ZPBP: variants seen among roughly 807,000 people sequenced by gnomAD.
The protein encoded by ZPBP is zona pellucida-binding protein 1.
A neutral mutation model predicts 44.8 loss-of-function variants in ZPBP; 26 were observed. That is an observed-to-expected ratio of 0.58 (90% CI 0.43 to 0.81). The LOEUF (loss-of-function observed/expected upper bound fraction) is 0.81, where lower values mean the gene tolerates loss of function less well. Among genes scored for constraint, ZPBP ranks in the 30% least tolerant of loss-of-function variants. ZPBP has a pLI of 0.00. For missense variants in ZPBP, 409 were observed against 434.0 expected (o/e 0.94, Z 0.51); for synonymous variants, 174 against 153.2 (o/e 1.14, Z -1.00).
chr7:50,061,808 C>T (rs1385894905), intron 3 of ZPBP, among the ~76,000 whole-genome samples: 4 of 152,152 alleles, frequency 2.6e-5, no homozygotes, highest in Admixed American at 6.6e-5. Flanking sequence ...GCATGAGAAT[C>T]GCTCGAACCT....
At chr7:49,994,248 C>T (rs542113461) in intron 6 of ZPBP, among the ~76,000 whole-genome samples, 69 of 152,320 alleles carry the variant, frequency 4.5e-4, no homozygotes, top group African/African-American at 1.5e-3. Flanking sequence ...AGTCCAATAG[C>T]TGCCCACTTT....
intron 7 of ZPBP, among the ~76,000 whole-genome samples, chr7:49,953,412 T>C (rs1795436585): frequency 6.6e-6 from 1 of 152,100 alleles, no homozygotes; most frequent in African/African-American, 2.4e-5. Flanking sequence ...TAATGAACAG[T>C]GTCTGTTCCC....
intron 6 of ZPBP, among the ~76,000 whole-genome samples, chr7:49,996,399 C>T (rs545064412): frequency 1.3e-5 from 2 of 152,280 alleles, no homozygotes; most frequent in South Asian, 4.1e-4. Context: ...CACATCCTTA[C>T]TCTGACTGGA....
intron 6 of ZPBP, among the ~76,000 whole-genome samples, chr7:49,987,657 A>G (rs1428608121): frequency 6.6e-6 from 1 of 151,954 alleles, no homozygotes; most frequent in African/African-American, 2.4e-5. Context: ...CAATAATCCA[A>G]TTAGGAGACT....
At chr7:49,976,363 A>T (rs2128773463) in intron 7 of ZPBP, among the ~76,000 whole-genome samples, 1 of 152,142 alleles carries the variant, frequency 6.6e-6, no homozygotes, top group African/African-American at 2.4e-5. Context: ...ATTCTCTCAT[A>T]TGTTATGTCT....
At chr7:50,050,767 C>T (rs1011614683) in intron 4 of ZPBP, among the ~76,000 whole-genome samples, 9 of 118,272 alleles carry the variant, frequency 7.6e-5, no homozygotes, top group African/African-American at 1.3e-4. Context: ...CCAGCCTGGA[C>T]GACAGAGCGA....
chr7:49,921,332 T>C (rs1429899392), intron 1 of ZPBP: 1 of 152,230 alleles, frequency 6.6e-6, no homozygotes, highest in Non-Finnish European at 1.5e-5. Context: ...ACTCCATAGC[T>C]ATAGAGACAT....
chr7:50,000,841 GT>G (rs1251917448), intron 6 of ZPBP, among the ~76,000 whole-genome samples: 1 of 152,026 alleles, frequency 6.6e-6, no homozygotes, highest in Non-Finnish European at 1.5e-5. Flanking sequence ...CTAACACCCA[GT>G]ACCTCAGAAT....
At chr7:49,897,260 A>C (rs910096040) in intron 2 of ZPBP, among the ~76,000 whole-genome samples, 1 of 152,224 alleles carries the variant, frequency 6.6e-6, no homozygotes, top group Admixed American at 6.5e-5. Flanking sequence ...AGAATTAATT[A>C]GTATCCTTAA....
chr7:50,083,954 A>G (rs936416873), intron 2 of ZPBP, among the ~76,000 whole-genome samples: 1 of 151,998 alleles, frequency 6.6e-6, no homozygotes, highest in African/African-American at 2.4e-5. Context: ...ACTGAACTCA[A>G]CTTCTTAAAT....
At chr7:50,029,826 T>TTTG (rs984107396) in intron 5 of ZPBP, among the ~76,000 whole-genome samples, 1 of 135,544 alleles carries the variant, frequency 7.4e-6, no homozygotes, top group African/African-American at 3.0e-5. Context: ...GCTTTTGTTT[T>TTTG]TTGTTGTTGT....
intron 6 of ZPBP, among the ~76,000 whole-genome samples, chr7:49,998,385 T>A (rs1243825036): frequency 6.6e-6 from 1 of 152,224 alleles, no homozygotes; most frequent in Non-Finnish European, 1.5e-5. Flanking sequence ...GCCATTTATG[T>A]GATACTTGAG....
chr7:49,958,813 A>G (rs924180663), intron 7 of ZPBP, among the ~76,000 whole-genome samples: 1 of 152,216 alleles, frequency 6.6e-6, no homozygotes, highest in African/African-American at 2.4e-5. Context: ...AATAATATCA[A>G]TCCTATAGAA....
chr7:49,987,750 G>A (rs1583989012), intron 6 of ZPBP, among the ~76,000 whole-genome samples: 1 of 143,318 alleles, frequency 7.0e-6, no homozygotes, highest in Non-Finnish European at 1.5e-5. Context: ...GTGTGTGTGT[G>A]TGTGTGTGTG....
intron 1 of ZPBP, among the ~76,000 whole-genome samples, chr7:49,902,554 CAAA>C (rs34786165): frequency 1.1e-4 from 12 of 106,630 alleles, no homozygotes; most frequent in Admixed American, 2.0e-4. Flanking sequence ...TATCCGTAGC[CAAA>C]AAAAAAAAAA....
intron 1 of ZPBP, among the ~76,000 whole-genome samples, chr7:49,931,614 A>G (rs1447747931): frequency 6.6e-6 from 1 of 152,214 alleles, no homozygotes; most frequent in Non-Finnish European, 1.5e-5. Flanking sequence ...GCAGATCATA[A>G]AAGTTTGGAA....
At position 49,948,904 on chromosome 7, in the gene ZPBP, G is replaced by A. The variant is rs79017593; in HGVS notation, c.962-11282C>T. Among the ~76,000 whole-genome samples, 7 of 152,218 alleles carry A rather than the reference G, an allele frequency of 4.6e-5. No individual in the cohort carries two copies. In the East Asian group the frequency reaches 1.4e-3, roughly 29 times the overall value. ...AGAATTGAAAGAAGTGTCTCAAAGA[G>A]ACATTTGTATGCATTATGGACTTAA... On this transcript the variant is annotated intron_variant, in intron 7 of 7. Coordinates refer to ENST00000046087, the MANE Select transcript of ZPBP (RefSeq NM_007009.3).
chr7:49,942,095 C>G (rs905418298), intron 7 of ZPBP, among the ~76,000 whole-genome samples: 5 of 152,062 alleles, frequency 3.3e-5, no homozygotes, highest in Admixed American at 3.3e-4. Context: ...AGACCATATA[C>G]AAAAATTAAC....
chr7:49,998,918 A>G (rs1383883490), intron 6 of ZPBP, among the ~76,000 whole-genome samples: 1 of 152,154 alleles, frequency 6.6e-6, no homozygotes. Context: ...AAACACACAC[A>G]CACAGGTTGA....
Sources: allele counts gnomAD v4.1 joint callset (sites outside exome capture counted in the v4.1 genomes callset), GRCh38; gene constraint gnomAD v4.1.1; transcripts MANE v1.5; gene names NCBI Gene and HGNC (gene_info 2026-07-23, HGNC 2026-07-21).